Variants in ENTREP2 observed in about 807,000 individuals in gnomAD.
The protein encoded by ENTREP2 is protein ENTREP2.
the ENTREP2 span, among the ~76,000 whole-genome samples, chr15:29,238,977 A>G: frequency 1.3e-5 from 2 of 152,170 alleles, no homozygotes; most frequent in Admixed American, 6.5e-5. Context: ...GTGGGGACAT[A>G]TATCCAAACC....
At chr15:29,226,016 G>A in the ENTREP2 span, among the ~76,000 whole-genome samples, 1 of 152,138 alleles carries the variant, frequency 6.6e-6, no homozygotes, top group East Asian at 1.9e-4. Flanking sequence ...AGCCCCCCAC[G>A]TCTTTCTTTG....
the ENTREP2 span, among the ~76,000 whole-genome samples, chr15:29,602,401 A>T: frequency 1.3e-5 from 2 of 152,084 alleles, no homozygotes; most frequent in African/African-American, 4.8e-5. Context: ...TTTTTCAGAC[A>T]CTCTCTCTTT....
chr15:29,211,959 T>C, the ENTREP2 span, among the ~76,000 whole-genome samples: 2 of 152,188 alleles, frequency 1.3e-5, no homozygotes, highest in Non-Finnish European at 2.9e-5. Flanking sequence ...TGTCCTTTCC[T>C]GGTTTTGGTA....
At chr15:29,277,972 A>C in the ENTREP2 span, among the ~76,000 whole-genome samples, 1 of 152,206 alleles carries the variant, frequency 6.6e-6, no homozygotes, top group East Asian at 1.9e-4. Flanking sequence ...TTAGAGAAAA[A>C]ATAAAAATAT....
At chr15:29,654,245 T>C in the ENTREP2 span, among the ~76,000 whole-genome samples, 8 of 152,324 alleles carry the variant, frequency 5.3e-5, no homozygotes, top group Admixed American at 1.3e-4. Context: ...GTAAAATTGT[T>C]TTCTCAAACT....
the ENTREP2 span, among the ~76,000 whole-genome samples, chr15:29,209,468 C>T: frequency 6.6e-6 from 1 of 152,150 alleles, no homozygotes; most frequent in Non-Finnish European, 1.5e-5. Flanking sequence ...CCCCACTGCA[C>T]TCCAGCCTGG....
the ENTREP2 span, chr15:29,609,847 C>A: frequency 4.7e-5 from 7 of 150,264 alleles, 1 homozygote; most frequent in African/African-American, 1.5e-4. Flanking sequence ...AGTAGGTGCT[C>A]AAAAATATTT....
At chr15:29,214,930 T>A in the ENTREP2 span, among the ~76,000 whole-genome samples, 1 of 152,220 alleles carries the variant, frequency 6.6e-6, no homozygotes, top group Non-Finnish European at 1.5e-5. Context: ...GGATGAAATG[T>A]TCTGCATATA....
the ENTREP2 span, among the ~76,000 whole-genome samples, chr15:29,648,947 A>G: frequency 2.4e-4 from 36 of 151,408 alleles, no homozygotes; most frequent in Non-Finnish European, 4.7e-4. Flanking sequence ...AAAAAAAAAA[A>G]CAACAACAAA....
At chr15:29,183,808 G>A in the ENTREP2 span, among the ~76,000 whole-genome samples, 1 of 152,190 alleles carries the variant, frequency 6.6e-6, no homozygotes, top group African/African-American at 2.4e-5. Flanking sequence ...CAGACAGAGG[G>A]AGGGACAGAG....
At chr15:29,310,269 G>A in the ENTREP2 span, among the ~76,000 whole-genome samples, 1 of 152,202 alleles carries the variant, frequency 6.6e-6, no homozygotes, top group East Asian at 1.9e-4. Context: ...GATGGGGTCT[G>A]AGTTGGGTGC....
the ENTREP2 span, among the ~76,000 whole-genome samples, chr15:29,283,652 C>T: frequency 6.6e-6 from 1 of 152,136 alleles, no homozygotes; most frequent in Non-Finnish European, 1.5e-5. Flanking sequence ...CTAAGAGGGA[C>T]AGTGGTTTGA....
the ENTREP2 span, among the ~76,000 whole-genome samples, chr15:29,394,439 G>A: frequency 4.6e-5 from 7 of 152,284 alleles, no homozygotes; most frequent in East Asian, 1.4e-3. Flanking sequence ...AACAAAAACA[G>A]TTTAGAAAGC....
the ENTREP2 span, among the ~76,000 whole-genome samples, chr15:29,245,999 A>C: frequency 6.6e-6 from 1 of 152,126 alleles, no homozygotes; most frequent in Non-Finnish European, 1.5e-5. Context: ...ATCTGTTTGC[A>C]TTCCTTCCTT....
At chr15:29,131,458 A>G in the ENTREP2 span, among the ~76,000 whole-genome samples, 3 of 151,276 alleles carry the variant, frequency 2.0e-5, no homozygotes, top group African/African-American at 7.3e-5. Flanking sequence ...GCACTTCTAC[A>G]GTTTGACATC....
At chr15:29,280,622 G>GC in the ENTREP2 span, among the ~76,000 whole-genome samples, 12 of 152,056 alleles carry the variant, frequency 7.9e-5, no homozygotes, top group African/African-American at 2.2e-4. Context: ...ACCAGCCAAT[G>GC]CCCCCCCACA....
the ENTREP2 span, among the ~76,000 whole-genome samples, chr15:29,476,090 C>T: frequency 6.6e-6 from 1 of 152,246 alleles, no homozygotes; most frequent in African/African-American, 2.4e-5. Context: ...ATAATACACA[C>T]ATATACATTT....
At chr15:29,353,842 G>A in the ENTREP2 span, among the ~76,000 whole-genome samples, 1 of 152,200 alleles carries the variant, frequency 6.6e-6, no homozygotes, top group Non-Finnish European at 1.5e-5. Context: ...GCACAGAGAA[G>A]TTCAGAAAGT....
chr15:29,178,936 A>G, the ENTREP2 span, among the ~76,000 whole-genome samples: 6 of 152,206 alleles, frequency 3.9e-5, no homozygotes, highest in African/African-American at 1.4e-4. Flanking sequence ...TTGTGTCTTG[A>G]GAAGGGCAAG....
Sources: gnomAD v4.1 joint callset for allele counts (sites outside exome capture counted in the v4.1 genomes callset) on GRCh38, gnomAD v4.1.1 for gene constraint, MANE v1.5 for transcripts, NCBI Gene and HGNC (gene_info 2026-07-23, HGNC 2026-07-21) for gene names.